Variants in CLIC4 observed in about 807,000 individuals in gnomAD.
CLIC4 encodes chloride intracellular channel protein 4.
Under a neutral mutation model 24.6 loss-of-function variants are expected in CLIC4, and 13 were observed. That is an observed-to-expected ratio of 0.53 (90% CI 0.34 to 0.84). The LOEUF is 0.84. Among genes scored for constraint, CLIC4 ranks in the 40% least tolerant of loss-of-function variants. CLIC4 has a pLI of 0.01. For missense variants in CLIC4, 227 were observed against 301.7 expected (o/e 0.75, Z 1.83); for synonymous variants, 104 against 111.3 (o/e 0.93, Z 0.41).
chr1:24,813,816 T>G (rs1379750840), intron 2 of CLIC4, among the ~76,000 whole-genome samples: 1 of 152,094 alleles, frequency 6.6e-6, no homozygotes, highest in Non-Finnish European at 1.5e-5. Flanking sequence ...CTTCCCAGGC[T>G]CAAGTGATCC....
intron 1 of CLIC4, among the ~76,000 whole-genome samples, chr1:24,777,236 T>G (rs1251543365): frequency 6.6e-6 from 1 of 152,134 alleles, no homozygotes; most frequent in Non-Finnish European, 1.5e-5. Context: ...CTGTTAAAAT[T>G]TGTTTGAAAT....
At chr1:24,828,303 G>C (rs932519102) in intron 4 of CLIC4, among the ~76,000 whole-genome samples, 2 of 151,986 alleles carry the variant, frequency 1.3e-5, no homozygotes, top group Non-Finnish European at 2.9e-5. Context: ...GGTCTGGCTT[G>C]TATCTGTTAA....
At chr1:24,838,767 C>G (rs936746113) in intron 4 of CLIC4, among the ~76,000 whole-genome samples, 1 of 152,144 alleles carries the variant, frequency 6.6e-6, no homozygotes, top group Non-Finnish European at 1.5e-5. Flanking sequence ...ATTCCTACCC[C>G]CTTTCTGCTG....
At chr1:24,837,145 G>C (rs1639893811) in intron 4 of CLIC4, among the ~76,000 whole-genome samples, 1 of 151,902 alleles carries the variant, frequency 6.6e-6, no homozygotes, top group Non-Finnish European at 1.5e-5. Context: ...TCTTTGCAAA[G>C]TCTAACAAAT....
At chr1:24,777,151 A>G (rs1360415812) in intron 1 of CLIC4, among the ~76,000 whole-genome samples, 1 of 152,148 alleles carries the variant, frequency 6.6e-6, no homozygotes, top group South Asian at 2.1e-4. Flanking sequence ...TCCTTTGCCA[A>G]CTTAGCTCTA....
intron 1 of CLIC4, among the ~76,000 whole-genome samples, chr1:24,782,738 C>T (rs530787220): frequency 2.6e-5 from 4 of 152,206 alleles, no homozygotes; most frequent in South Asian, 2.1e-4. Context: ...CCACCGCTTT[C>T]GGAGGCTGAG....
chr1:24,748,635 C>T (rs1638737416), intron 1 of CLIC4, among the ~76,000 whole-genome samples: 3 of 150,286 alleles, frequency 2.0e-5, no homozygotes, highest in South Asian at 2.1e-4. Context: ...CTTTGCCTTC[C>T]GAGGAGCGCA....
rs111544353 is a variant in CLIC4, at chr1:24,835,825, C to T, written c.416-4035C>T. 6.5e-3 allele frequency among the ~76,000 whole-genome samples: 994 copies of T among 152,228 alleles called. 11 individuals are homozygous for T. Among genetic ancestry groups the T allele is most frequent in the African/African-American group, 0.023 (955 of 41,534 alleles). ...TAGGAGAGAAGAAAAGAACACAGAA[C>T]AGGTGGACAAATAAGAAGTATATAG... On this transcript the variant is annotated intron_variant, in intron 4 of 5. Transcript: ENST00000374379.
At chr1:24,791,645 G>A (rs1036232868) in intron 1 of CLIC4, among the ~76,000 whole-genome samples, 1 of 152,166 alleles carries the variant, frequency 6.6e-6, no homozygotes, top group Admixed American at 6.5e-5. Flanking sequence ...GGAGGCCGAG[G>A]CGGGTGGATC....
intron 1 of CLIC4, chr1:24,793,213 G>A (rs1639361775): frequency 6.7e-6 from 1 of 150,336 alleles, no homozygotes; most frequent in African/African-American, 2.4e-5. Flanking sequence ...TAATTGGAAA[G>A]GTAGTGTATT....
intron 1 of CLIC4, among the ~76,000 whole-genome samples, chr1:24,758,497 A>G (rs1281960063): frequency 6.6e-6 from 1 of 150,774 alleles, no homozygotes; most frequent in Admixed American, 6.6e-5. Flanking sequence ...TCACTCTGTC[A>G]CCCAGGCTGG....
At chr1:24,765,815 CTTT>C (rs34506030) in intron 1 of CLIC4, among the ~76,000 whole-genome samples, 2 of 135,372 alleles carry the variant, frequency 1.5e-5, no homozygotes. Context: ...TTCTTTCTTT[CTTT>C]TTTTTTTTTT....
At chr1:24,758,309 C>CTT (rs538216625) in intron 1 of CLIC4, among the ~76,000 whole-genome samples, 2 of 142,126 alleles carry the variant, frequency 1.4e-5, no homozygotes, top group African/African-American at 5.1e-5. Context: ...ATGTCCTAGT[C>CTT]TTTTTTTTTT....
intron 1 of CLIC4, 94 bp downstream of exon 1, chr1:24,745,719 G>GAA: frequency 9.9e-7 from 1 of 1,007,268 alleles, no homozygotes; most frequent in Non-Finnish European, 1.4e-6. Flanking sequence ...AGGCGCCCCC[G>GAA]CTCGGCGCCA....
chr1:24,777,687 T>A (rs1215706846), intron 1 of CLIC4, among the ~76,000 whole-genome samples: 2 of 152,170 alleles, frequency 1.3e-5, no homozygotes. Context: ...ACATGGCTAT[T>A]CAGTGTTTGA....
At chr1:24,800,330 T>C (rs1571250481) in intron 2 of CLIC4, among the ~76,000 whole-genome samples, 2 of 87,728 alleles carry the variant, frequency 2.3e-5, no homozygotes, top group Non-Finnish European at 4.4e-5. Context: ...AGCCGCCCCG[T>C]CCGGGAGGGA....
At chr1:24,791,205 T>A (rs1639329701) in intron 1 of CLIC4, among the ~76,000 whole-genome samples, 1 of 152,218 alleles carries the variant, frequency 6.6e-6, no homozygotes, top group South Asian at 2.1e-4. Flanking sequence ...TATTGTTAGA[T>A]AACTATATGT....
intron 1 of CLIC4, among the ~76,000 whole-genome samples, chr1:24,785,946 G>A (rs890722423): frequency 1.3e-5 from 2 of 150,852 alleles, no homozygotes; most frequent in African/African-American, 4.9e-5. Context: ...TTGTCACATT[G>A]TTTTTGGACT....
At chr1:24,761,963 T>C (rs1638932140) in intron 1 of CLIC4, among the ~76,000 whole-genome samples, 1 of 152,074 alleles carries the variant, frequency 6.6e-6, no homozygotes, top group Non-Finnish European at 1.5e-5. Flanking sequence ...TTTTGACTTG[T>C]TGAGTATAAG....
Sources: allele counts gnomAD v4.1 joint callset (sites outside exome capture counted in the v4.1 genomes callset), GRCh38; gene constraint gnomAD v4.1.1; transcripts MANE v1.5; gene names NCBI Gene and HGNC (gene_info 2026-07-23, HGNC 2026-07-21).